The following TSPEAR variants were observed in gnomAD, a reference collection of about 807,000 sequenced individuals.
The protein encoded by TSPEAR is thrombospondin-type laminin G domain and EAR repeat-containing protein.
TSPEAR carries 69 observed loss-of-function variants against 71.6 expected under a neutral mutation model. The observed-to-expected ratio is 0.96, with a 90% CI of 0.79 to 1.18. The LOEUF is 1.18. TSPEAR is among the 50% of genes most tolerant of loss of function. TSPEAR has a pLI of 0.00. For missense variants in TSPEAR, 971 were observed against 894.9 expected (o/e 1.09, Z -1.09); for synonymous variants, 402 against 387.2 (o/e 1.04, Z -0.45).
chr21:44,514,240 C>T (rs2052486807), intron 9 of TSPEAR, among the ~76,000 whole-genome samples: 1 of 152,206 alleles, frequency 6.6e-6, no homozygotes, highest in Non-Finnish European at 1.5e-5. Context: ...CATGAGGGTG[C>T]TTAGGGGCTC....
rs2150437 is a variant in TSPEAR, at chr21:44,687,331, A to C, written c.82+24102T>G. ...GCTTCTGGGTGCTGAGGGCTCTGAA[A>C]GGCAGGCACACTTGTCCCACTGTAT... On this transcript the variant is annotated intron_variant, in intron 1 of 11. Coordinates refer to ENST00000323084, the MANE Select transcript of TSPEAR (RefSeq NM_144991.3). The surrounding 1 kb of genome is among the most constrained non-coding windows in gnomAD (Gnocchi z 4.4). Among the ~76,000 whole-genome samples the C allele has an allele frequency of 0.72, 109,217 of 151,972 alleles. 39,546 individuals carry two copies. The highest frequency in any genetic ancestry group is 0.84 in the Middle Eastern group (248 of 294).
intron 1 of TSPEAR, chr21:44,637,521 C>A: frequency 2.5e-6 from 4 of 1,613,484 alleles, no homozygotes; most frequent in Non-Finnish European, 3.4e-6. Flanking sequence ...TGTGCCCCAG[C>A]CCCCAGCTTG....
intron 1 of TSPEAR, among the ~76,000 whole-genome samples, chr21:44,648,533 T>C (rs1296912959): frequency 6.6e-6 from 1 of 152,176 alleles, no homozygotes; most frequent in Non-Finnish European, 1.5e-5. Context: ...AAGGCCTTCA[T>C]GGACCTTTCA....
At chr21:44,531,728 C>T (rs1555915788) in intron 3 of TSPEAR, among the ~76,000 whole-genome samples, 1 of 152,194 alleles carries the variant, frequency 6.6e-6, no homozygotes, top group African/African-American at 2.4e-5. Flanking sequence ...TGAGCTCCTG[C>T]ACCATCACCC....
At chr21:44,595,723 C>T (rs1980321765) in intron 1 of TSPEAR, among the ~76,000 whole-genome samples, 1 of 152,226 alleles carries the variant, frequency 6.6e-6, no homozygotes, top group Admixed American at 6.5e-5. Context: ...GAAAGCAAAA[C>T]ATCACCTCAT....
intron 1 of TSPEAR, among the ~76,000 whole-genome samples, chr21:44,650,313 G>A (rs893411725): frequency 3.9e-5 from 6 of 152,194 alleles, no homozygotes; most frequent in African/African-American, 1.4e-4. Flanking sequence ...ATGTAGTCAA[G>A]TTGAAGTGAA....
At chr21:44,694,643 CA>C (rs112202746) in intron 1 of TSPEAR, among the ~76,000 whole-genome samples, 86 of 151,586 alleles carry the variant, frequency 5.7e-4, no homozygotes, top group African/African-American at 1.6e-3. Context: ...TATTTTATCA[CA>C]AAAAAAACAT....
Position 44,647,190 on chromosome 21 carries a change from G to A in TSPEAR, c.82+64243C>T, listed in dbSNP as rs1451995358. Reference sequence around the variant, plus strand: ...CTGTGTCCCTCCTCTGCCACCCCGTGTGCAGGTCCACCTGCTGTGTGCCCG... The same window carrying A: ...CTGTGTCCCTCCTCTGCCACCCCGTATGCAGGTCCACCTGCTGTGTGCCCG... On this transcript the variant is annotated intron_variant, in intron 1 of 11. Transcript: ENST00000323084. 3.1e-6 allele frequency: 5 copies of A among 1,612,808 alleles called. 1 individual carries two copies. Among genetic ancestry groups the A allele is most frequent in the South Asian group, 1.1e-5 (1 of 90,998 alleles).
chr21:44,518,559 T>C, intron 9 of TSPEAR: 1 of 444,046 alleles, frequency 2.3e-6, no homozygotes, highest in Non-Finnish European at 4.8e-6. Flanking sequence ...AGCCTCTCCG[T>C]GGCACAACAG....
At chr21:44,542,658 A>C (rs2053239323) in intron 2 of TSPEAR, among the ~76,000 whole-genome samples, 1 of 151,208 alleles carries the variant, frequency 6.6e-6, no homozygotes, top group Admixed American at 6.6e-5. Flanking sequence ...AAGGAGGAGA[A>C]TCACTTGAGC....
chr21:44,619,841 T>C (rs1271874762), intron 1 of TSPEAR, among the ~76,000 whole-genome samples: 1 of 152,148 alleles, frequency 6.6e-6, no homozygotes, highest in Admixed American at 6.5e-5. Flanking sequence ...GAGGAGCAGA[T>C]GAGAGAATGA....
At chr21:44,563,215 A>G (rs1555921325) in intron 2 of TSPEAR, among the ~76,000 whole-genome samples, 1 of 152,048 alleles carries the variant, frequency 6.6e-6, no homozygotes, top group Non-Finnish European at 1.5e-5. Flanking sequence ...AATGATATAA[A>G]TATATACTTG....
intron 1 of TSPEAR, among the ~76,000 whole-genome samples, chr21:44,613,817 C>G (rs1280085122): frequency 6.6e-6 from 1 of 151,982 alleles, no homozygotes; most frequent in Non-Finnish European, 1.5e-5. Context: ...CCCGCCGCCC[C>G]TGCCCCTGAA....
chr21:44,585,859 G>C (rs1184774541), intron 1 of TSPEAR, among the ~76,000 whole-genome samples: 1 of 152,188 alleles, frequency 6.6e-6, no homozygotes, highest in Non-Finnish European at 1.5e-5. Context: ...AGGACCCTTA[G>C]TTGTTGTTCA....
intron 1 of TSPEAR, among the ~76,000 whole-genome samples, chr21:44,590,245 G>C (rs762212061): frequency 2.4e-4 from 36 of 152,268 alleles, no homozygotes; most frequent in Non-Finnish European, 4.6e-4. Flanking sequence ...CTGGCAGAAA[G>C]AGTGCAGCGG....
chr21:44,658,413 T>G (rs1985297160), intron 1 of TSPEAR: 1 of 782,718 alleles, frequency 1.3e-6, no homozygotes, highest in Admixed American at 3.0e-5. Context: ...CGTGGAAAAA[T>G]GATTCAGACC....
intron 1 of TSPEAR, among the ~76,000 whole-genome samples, chr21:44,631,427 C>G (rs1983249852): frequency 1.3e-5 from 2 of 152,092 alleles, no homozygotes; most frequent in Admixed American, 1.3e-4. Context: ...GGCATAAAAA[C>G]AAAAAGAGGC....
In TSPEAR at chr21:44,521,904, G is replaced by A. The variant is rs782677994; in HGVS notation, c.1545C>T (p.Phe515=). The A allele has an allele frequency of 1.7e-5, 27 of 1,613,730 alleles. No homozygotes were observed. The South Asian group carries it at 2.0e-4, about 12-fold the overall frequency. Residue 515 remains phenylalanine (F), a synonymous_variant, in exon 9 of 12, where the codon TTC becomes TTT. Coordinates refer to ENST00000323084, the MANE Select transcript of TSPEAR (RefSeq NM_144991.3). ...TTACCGGGAAGGACTGGAAGAGCTGGAAGGAGCCCAGGAGTCGGATGTAGA... is the reference window on the plus strand; with the variant it reads ...TTACCGGGAAGGACTGGAAGAGCTGAAAGGAGCCCAGGAGTCGGATGTAGA... ...SHLYIRLLGS[F]QLFQSFPTFG...
At chr21:44,550,240 C>T (rs1300199442) in intron 2 of TSPEAR, 2 of 220,270 alleles carry the variant, frequency 9.1e-6, no homozygotes, top group Admixed American at 5.2e-5. Context: ...ACAAGAGCCC[C>T]CCGGGGCCCC....
Sources: gnomAD v4.1 joint callset for allele counts (sites outside exome capture counted in the v4.1 genomes callset) on GRCh38, gnomAD v4.1.1 for gene constraint, Gnocchi (gnomAD v3.1) non-coding constraint, MANE v1.5 for transcripts, NCBI Gene and HGNC (gene_info 2026-07-23, HGNC 2026-07-21) for gene names.